VAV1: variants seen among roughly 807,000 people sequenced by gnomAD.
VAV1 encodes the protein proto-oncogene vav.
VAV1 carries 33 observed loss-of-function variants against 128.1 expected under a neutral mutation model. The observed-to-expected ratio is 0.26, with a 90% CI of 0.20 to 0.34. The LOEUF (loss-of-function observed/expected upper bound fraction) is 0.34, where lower values mean the gene tolerates loss of function less well. Among genes scored for constraint, VAV1 ranks in the 10% least tolerant of loss-of-function variants. VAV1 has a pLI of 1.00. For synonymous variants in VAV1, 394 were observed against 409.8 expected, an observed-to-expected ratio of 0.96 and a Z score of 0.47; for missense variants, 715 against 1,093.7, an observed-to-expected ratio of 0.65 and a Z score of 4.88.
intron 21 of VAV1, among the ~76,000 whole-genome samples, chr19:6,840,516 G>A (rs989596394): frequency 6.6e-6 from 1 of 150,820 alleles, no homozygotes; most frequent in African/African-American, 2.4e-5. Context: ...AGCCAGGATG[G>A]TCTCGATCTC....
intron 20 of VAV1, 146 bp downstream of exon 20, chr19:6,836,714 C>G: frequency 7.5e-7 from 1 of 1,337,628 alleles, no homozygotes; most frequent in Non-Finnish European, 1.0e-6. Context: ...GACTTCTGGG[C>G]ATGGCTTTTC....
chr19:6,802,314 C>T (rs1314373000), intron 1 of VAV1, among the ~76,000 whole-genome samples: 1 of 151,960 alleles, frequency 6.6e-6, no homozygotes, highest in Non-Finnish European at 1.5e-5. Flanking sequence ...ACGTTGTGCA[C>T]ATGTACCCTA....
intron 24 of VAV1, among the ~76,000 whole-genome samples, chr19:6,851,855 A>C (rs1304762353): frequency 6.6e-6 from 1 of 152,130 alleles, no homozygotes; most frequent in Non-Finnish European, 1.5e-5. Flanking sequence ...TCTCAAATGG[A>C]TCCTTGACTC....
rs141730911 is a variant in VAV1 at position 6,855,407 on chromosome 19, T to C, written c.2484+1309T>C. Among the ~76,000 whole-genome samples, 1,015 of 152,092 alleles carry C rather than the reference T, an allele frequency of 6.7e-3. 9 individuals carry two copies. The highest frequency in any genetic ancestry group is 0.024 in the African/African-American group (976 of 41,490). On this transcript the variant is annotated intron_variant, in intron 26 of 26. Coordinates refer to ENST00000602142, the MANE Select transcript of VAV1 (RefSeq NM_005428.4). ...ATCCATCCATCCATCCATCTATCCA[T>C]CCATCCATCTATCCATCTATCTATC... is the stretch of plus-strand genomic sequence containing the variant.
intron 21 of VAV1, among the ~76,000 whole-genome samples, chr19:6,840,303 CTTTT>C (rs34882027): frequency 2.2e-4 from 27 of 124,116 alleles, no homozygotes; most frequent in Non-Finnish European, 2.8e-4. Flanking sequence ...AATTTTCTTT[CTTTT>C]TTTTTTTTTT....
intron 13 of VAV1, among the ~76,000 whole-genome samples, chr19:6,829,571 A>AG (rs1296678273): frequency 6.6e-6 from 1 of 152,112 alleles, no homozygotes; most frequent in Non-Finnish European, 1.5e-5. Context: ...CAGGCAGGAC[A>AG]GGGCCAGCGA....
At chr19:6,812,532 CG>C (rs1174465673) in intron 1 of VAV1, among the ~76,000 whole-genome samples, 5 of 152,018 alleles carry the variant, frequency 3.3e-5, no homozygotes, top group Non-Finnish European at 5.9e-5. Context: ...TGGTGGTGGG[CG>C]CCTGTAATCC....
At chr19:6,791,820 C>A (rs2546126) in intron 1 of VAV1, among the ~76,000 whole-genome samples, 43,783 of 151,990 alleles carry the variant, frequency 0.29, 8,180 homozygotes, top group African/African-American at 0.53. Context: ...CTGAGAGCTG[C>A]AGGAGGAGGA....
At chr19:6,776,094 AT>A (rs1970616478) in intron 1 of VAV1, among the ~76,000 whole-genome samples, 1 of 143,652 alleles carries the variant, frequency 7.0e-6, no homozygotes, top group Non-Finnish European at 1.5e-5. Flanking sequence ...CCATCCATCC[AT>A]CCATCCATCC....
Position 6,836,469 on chromosome 19 carries a change from G to A in VAV1, c.1815G>A (p.Gly605=). 6.2e-7 allele frequency: 1 copy of A among 1,614,098 alleles called. No individual in the cohort carries two copies. The highest frequency in any genetic ancestry group is 1.7e-5 in the Admixed American group (1 of 59,998). The change falls in exon 20 of 27, where the codon GGG becomes GGA. Residue 605 remains glycine, a synonymous_variant. Transcript: ENST00000602142. The stretch of plus-strand genomic sequence containing the variant: ...TGGAGGTGTTTCAGGAATACTACGG[G>A]CTTCCTCCACCCCCTGGAGCCATTG... The part of the protein sequence containing the change: ...PKMEVFQEYY[G]LPPPPGAIGP...
intron 1 of VAV1, among the ~76,000 whole-genome samples, chr19:6,819,693 T>A (rs1284204736): frequency 6.6e-6 from 1 of 152,196 alleles, no homozygotes; most frequent in Non-Finnish European, 1.5e-5. Context: ...TGGTCCAGAC[T>A]GACTTCATGG....
chr19:6,831,889 C>T (rs762844656), intron 14 of VAV1, among the ~76,000 whole-genome samples: 23 of 152,044 alleles, frequency 1.5e-4, no homozygotes, highest in East Asian at 3.9e-4. Context: ...TGCATGTGCA[C>T]GCCTGCGTAT....
At chr19:6,844,844 T>G (rs1290620028) in intron 22 of VAV1, among the ~76,000 whole-genome samples, 1 of 151,598 alleles carries the variant, frequency 6.6e-6, no homozygotes, top group Non-Finnish European at 1.5e-5. Context: ...CATGTTTTAA[T>G]GCAACATTAA....
At chr19:6,780,098 A>G (rs545024406) in intron 1 of VAV1, among the ~76,000 whole-genome samples, 2 of 140,302 alleles carry the variant, frequency 1.4e-5, no homozygotes, top group East Asian at 2.0e-4. Context: ...GCGACAGAGC[A>G]AGACTCTGTC....
chr19:6,844,364 T>C (rs963018182), intron 22 of VAV1, among the ~76,000 whole-genome samples: 13 of 152,102 alleles, frequency 8.5e-5, no homozygotes, highest in African/African-American at 3.1e-4. Flanking sequence ...TACAGGCACC[T>C]GCCGCCACAC....
intron 1 of VAV1, among the ~76,000 whole-genome samples, chr19:6,793,248 G>A (rs2617810): frequency 0.22 from 33,267 of 151,642 alleles, 3,877 homozygotes; most frequent in African/African-American, 0.3. Context: ...GCAGGAGAAT[G>A]GTGCGAACCT....
intron 1 of VAV1, among the ~76,000 whole-genome samples, chr19:6,797,180 C>G (rs113786899): frequency 2.0e-5 from 3 of 149,762 alleles, no homozygotes; most frequent in Non-Finnish European, 4.4e-5. Context: ...TGCTGTGAGC[C>G]GAGATTGCAG....
chr19:6,832,007 C>T (rs1452658935), intron 14 of VAV1, 84 bp from the exon 15 acceptor site: 2 of 1,164,540 alleles, frequency 1.7e-6, no homozygotes, highest in African/African-American at 3.0e-5. Context: ...CTTGCCTGTT[C>T]CCTACAGAGG....
intron 1 of VAV1, among the ~76,000 whole-genome samples, chr19:6,801,187 T>G (rs568315961): frequency 3.3e-5 from 5 of 152,348 alleles, no homozygotes; most frequent in African/African-American, 4.8e-5. Context: ...ACAGTAGGCA[T>G]TCCACACATG....
Sources: allele counts gnomAD v4.1 joint callset (sites outside exome capture counted in the v4.1 genomes callset), GRCh38; gene constraint gnomAD v4.1.1; transcripts MANE v1.5; gene names NCBI Gene and HGNC (gene_info 2026-07-23, HGNC 2026-07-21).